SLC25A16: variants seen among roughly 807,000 people sequenced by gnomAD.
The protein encoded by SLC25A16 is solute carrier family 25 member 16.
In SLC25A16, 39 loss-of-function variants were observed where a neutral mutation model predicts 41.5. The observed-to-expected ratio is 0.94, with a 90% CI of 0.73 to 1.23. SLC25A16 has a LOEUF of 1.23. Among genes scored for constraint, SLC25A16 ranks in the 50% most tolerant of loss-of-function variants. The pLI is 0.00. For missense variants in SLC25A16, 421 were observed against 426.9 expected, an observed-to-expected ratio of 0.99 and a Z score of 0.12; for synonymous variants, 146 against 147.8, an observed-to-expected ratio of 0.99 and a Z score of 0.09.
chr10:68,518,932 C>G (rs1387107642), intron 1 of SLC25A16, among the ~76,000 whole-genome samples: 1 of 152,086 alleles, frequency 6.6e-6, no homozygotes, highest in Non-Finnish European at 1.5e-5. Context: ...GTGACTCATA[C>G]CTGTAATCCC....
chr10:68,516,767 G>T lies in SLC25A16; in HGVS notation c.207C>A (p.His69Gln). The T allele has an allele frequency of 2.5e-6, 4 of 1,606,646 alleles. No individual in the cohort carries two copies. In the South Asian group the frequency reaches 4.4e-5, roughly 18 times the overall value. Reference sequence around the variant, plus strand: ...TTAACTCACCTAAATGCTTGTAATGGTGATTGTGAGCTTGTAATAAAACCT... The same window carrying T: ...TTAACTCACCTAAATGCTTGTAATGTTGATTGTGAGCTTGTAATAAAACCT... ...RVKVLLQAHN[H>Q]HYKHLGVFSA... Residue 69 changes from histidine to glutamine, a missense_variant, in exon 2 of 9, where the codon CAC (histidine) becomes CAA (glutamine). His to Gln is a conservative substitution (Grantham distance 24). Coordinates refer to ENST00000609923, the MANE Select transcript of SLC25A16 (RefSeq NM_152707.4).
At chr10:68,519,767 T>C (rs2053220036) in intron 1 of SLC25A16, among the ~76,000 whole-genome samples, 2 of 150,760 alleles carry the variant, frequency 1.3e-5, no homozygotes, top group South Asian at 2.1e-4. Context: ...ATACAAAAAT[T>C]AGCCAGGTGT....
Position 68,527,376 on chromosome 10 carries a change from C to T in SLC25A16, c.-1G>A. ...CTGCCGCGGCCGTCGCCGCCGCCAT[C>T]AGGACCAGGGTCGCGTCAGGAGCCT... On this transcript the variant is annotated 5_prime_UTR_variant, in exon 1 of 9. Transcript: ENST00000609923. 3 of 1,496,566 alleles carry T rather than the reference C, an allele frequency of 2.0e-6. No homozygotes were observed. Among genetic ancestry groups the T allele is most frequent in the Non-Finnish European group, 1.8e-6 (2 of 1,128,822 alleles). 92.7% of individuals were successfully genotyped at this position (1,496,566 alleles called of 1,614,324 possible).
intron 4 of SLC25A16, among the ~76,000 whole-genome samples, chr10:68,498,789 T>C (rs2052793648): frequency 1.3e-5 from 2 of 152,220 alleles, no homozygotes; most frequent in Admixed American, 1.3e-4. Context: ...TAATAATCAT[T>C]GGAGTATACC....
In SLC25A16 at chr10:68,493,123, GAAACATACCTGCATATGGAGCCATTCCTA is replaced by G; in HGVS notation, c.590_610+8del. 6.6e-7 allele frequency: 1 copy of G among 1,521,662 alleles called. No homozygotes were observed. Among genetic ancestry groups the G allele is most frequent in the Non-Finnish European group, 8.9e-7 (1 of 1,120,974 alleles). 94.3% of individuals were successfully genotyped at this position (1,521,662 alleles called of 1,614,324 possible). A position where few individuals can be genotyped will look rare whatever the true frequency, so the allele number is the denominator to read the frequency against. ...TGCATATTAGGATTCTGGCAAATTT[GAAACATACCTGCATATGGAGCCATTCCTA>G]AAATAGTAGGCATCAGACCTCTGTA... On this transcript the variant is annotated splice_donor_variant and splice_donor_5th_base_variant and coding_sequence_variant and intron_variant, in exon 6 of 9. Coordinates refer to ENST00000609923, the MANE Select transcript of SLC25A16 (RefSeq NM_152707.4). LOFTEE classifies it high-confidence loss of function.
chr10:68,527,346 C>T lies in SLC25A16; in HGVS notation c.30G>A (p.Leu10=). Residue 10 remains leucine (L), a synonymous_variant, in exon 1 of 9, where the codon CTG becomes CTA. Transcript: ENST00000609923. ...TTGCGGGAGGGGGATCGGCCGCCGC[C>T]AGGGCTGCCGCGGCCGTCGCCGCCG... MAAATAAAA[L]AAADPPPAMP... is the part of the protein sequence containing the mutation. 1.3e-6 allele frequency: 2 copies of T among 1,521,912 alleles called. No individual in the cohort carries two copies. Among genetic ancestry groups the T allele is most frequent in the Non-Finnish European group, 1.8e-6 (2 of 1,137,564 alleles). The allele number at this position is 1,521,912 out of a possible 1,614,324, so 94.3% of individuals were successfully genotyped here.
intron 2 of SLC25A16, among the ~76,000 whole-genome samples, chr10:68,509,743 C>CTATATCTATATCTATATA (rs1564923024): frequency 1.2e-4 from 18 of 144,664 alleles, no homozygotes; most frequent in African/African-American, 4.4e-4. Flanking sequence ...ATATATATAT[C>CTATATCTATATCTATATA]TATATATATA....
intron 4 of SLC25A16, among the ~76,000 whole-genome samples, chr10:68,499,380 TTTATC>T (rs1183826576): frequency 1.3e-5 from 2 of 152,188 alleles, no homozygotes; most frequent in Non-Finnish European, 2.9e-5. Flanking sequence ...TTCTCTACTC[TTTATC>T]TTGTCACGTT....
chr10:68,487,915 G>A (rs549273842), intron 7 of SLC25A16, among the ~76,000 whole-genome samples: 4 of 151,916 alleles, frequency 2.6e-5, no homozygotes, highest in South Asian at 2.1e-4. Flanking sequence ...GTGCAGTGAC[G>A]CAATCTTGGC....
chr10:68,514,150 G>A (rs1451328615), intron 2 of SLC25A16, among the ~76,000 whole-genome samples: 1 of 151,920 alleles, frequency 6.6e-6, no homozygotes, highest in East Asian at 1.9e-4. Context: ...CCAAGATCAT[G>A]CCACAGTACT....
chr10:68,516,909 T>C (rs905339329), intron 1 of SLC25A16, 66 bp from the exon 2 acceptor site: 18 of 1,322,826 alleles, frequency 1.4e-5, no homozygotes, highest in Middle Eastern at 1.8e-4. Context: ...AAATCATTAG[T>C]TGTTCAGCCA....
intron 3 of SLC25A16, among the ~76,000 whole-genome samples, chr10:68,504,529 G>A (rs1444007383): frequency 2.7e-5 from 4 of 150,598 alleles, no homozygotes; most frequent in African/African-American, 7.3e-5. Context: ...TCCGCCTCCT[G>A]GGTTCACACC....
rs1245095059 is a variant in SLC25A16, at chr10:68,527,344, G to A, written c.32C>T (p.Ala11Val). 5.9e-6 allele frequency: 9 copies of A among 1,521,128 alleles called. No individual in the cohort carries two copies. Among genetic ancestry groups the A allele is most frequent in the African/African-American group, 1.4e-5 (1 of 70,572 alleles). The allele number at this position is 1,521,128 out of a possible 1,614,324, so 94.2% of individuals were successfully genotyped here. A position where few individuals can be genotyped will look rare whatever the true frequency, so the allele number is the denominator to read the frequency against. Residue 11 changes from alanine to valine, a missense_variant, in exon 1 of 9, where the codon GCG (alanine) becomes GTG (valine). Physicochemically the swap from Ala to Val is moderately conservative, Grantham distance 64. Coordinates refer to ENST00000609923, the MANE Select transcript of SLC25A16 (RefSeq NM_152707.4). MAAATAAAAL[A>V]AADPPPAMPQ... The stretch of plus-strand genomic sequence containing the variant: ...CATTGCGGGAGGGGGATCGGCCGCC[G>A]CCAGGGCTGCCGCGGCCGTCGCCGC...
chr10:68,483,062 A>G lies in SLC25A16; in HGVS notation c.*370T>C, dbSNP rs1299695895. 2 of 156,538 alleles carry G rather than the reference A, an allele frequency of 1.3e-5. No individual in the cohort carries two copies. The allele number at this position is 156,538 out of a possible 1,614,324, so 9.7% of individuals were successfully genotyped here. On this transcript the variant is annotated 3_prime_UTR_variant, in exon 9 of 9. Coordinates refer to ENST00000609923, the MANE Select transcript of SLC25A16 (RefSeq NM_152707.4). Reference sequence around the variant, plus strand: ...ACCAACCCTGTTTATTTTAATAATAATAAACACTGTCAGTCTTTTAAAAAC... The same window carrying G: ...ACCAACCCTGTTTATTTTAATAATAGTAAACACTGTCAGTCTTTTAAAAAC...
chr10:68,478,423 T>C lies in SLC25A16; in HGVS notation c.*5009A>G, dbSNP rs1432945912. On this transcript the variant is annotated 3_prime_UTR_variant, in exon 9 of 9. Coordinates refer to ENST00000609923, the MANE Select transcript of SLC25A16 (RefSeq NM_152707.4). ...GGAACTATGTAAAGTGTATGCTTGCTATACAAGTGTGTCAGGTATTATTGA... is the reference window on the plus strand; with the variant it reads ...GGAACTATGTAAAGTGTATGCTTGCCATACAAGTGTGTCAGGTATTATTGA... 2 of 152,210 alleles carry C rather than the reference T, an allele frequency of 1.3e-5. No individual in the cohort carries two copies. Among genetic ancestry groups the C allele is most frequent in the Admixed American group, 1.3e-4 (2 of 15,282 alleles). The allele number at this position is 152,210 out of a possible 1,614,324, so 9.4% of individuals were successfully genotyped here.
chr10:68,495,346 C>T (rs1333553190), intron 4 of SLC25A16, among the ~76,000 whole-genome samples: 1 of 151,962 alleles, frequency 6.6e-6, no homozygotes, highest in East Asian at 1.9e-4. Context: ...ACCTGGAAGG[C>T]AGAGGTTGCG....
In SLC25A16 at chr10:68,479,917, C is replaced by T. The variant is rs185487893; in HGVS notation, c.*3515G>A. ...ATCCCAGTTACTTGGAAAGATGACT[C>T]GGGAAAATCGCTTGAACCCGGAGGT... On this transcript the variant is annotated 3_prime_UTR_variant, in exon 9 of 9. Transcript: ENST00000609923. 3 of 150,384 alleles carry T rather than the reference C, an allele frequency of 2.0e-5. No homozygotes were observed. The highest frequency in any genetic ancestry group is 3.9e-4 in the East Asian group (2 of 5,134). 9.3% of individuals were successfully genotyped at this position (150,384 alleles called of 1,614,324 possible). A position where few individuals can be genotyped will look rare whatever the true frequency, so the allele number is the denominator to read the frequency against.
intron 3 of SLC25A16, among the ~76,000 whole-genome samples, chr10:68,505,425 T>A (rs2133553668): frequency 6.6e-6 from 1 of 152,098 alleles, no homozygotes; most frequent in South Asian, 2.1e-4. Flanking sequence ...ATTATATGGA[T>A]TTATTATTAT....
chr10:68,523,064 T>C (rs1224781125), intron 1 of SLC25A16, among the ~76,000 whole-genome samples: 1 of 152,196 alleles, frequency 6.6e-6, no homozygotes, highest in African/African-American at 2.4e-5. Context: ...TTTGTCAAAG[T>C]GCATTTAACT....
Sources: allele counts gnomAD v4.1 joint callset (sites outside exome capture counted in the v4.1 genomes callset), GRCh38; gene constraint gnomAD v4.1.1; transcripts MANE v1.5; gene names NCBI Gene and HGNC (gene_info 2026-07-23, HGNC 2026-07-21).